SYNJ2BP: variants seen among roughly 807,000 people sequenced by gnomAD.
The protein encoded by SYNJ2BP is synaptojanin 2 binding protein, also known as synaptojanin-2-binding protein.
In SYNJ2BP, 10 loss-of-function variants were observed where a neutral mutation model predicts 16.9. That is an observed-to-expected ratio of 0.59 (90% CI 0.36 to 1.00). The LOEUF is 1.00. Ranked by LOEUF, SYNJ2BP falls within the 50% of genes least tolerant of loss-of-function variation. The pLI is 0.01. For missense variants in SYNJ2BP, 162 were observed against 186.7 expected (o/e 0.87, Z 0.77); for synonymous variants, 54 against 68.4 (o/e 0.79, Z 1.04).
intron 1 of SYNJ2BP, among the ~76,000 whole-genome samples, 192 bp from the exon 2 acceptor site, chr14:70,388,798 G>C (rs1887916719): frequency 1.3e-5 from 2 of 152,006 alleles, no homozygotes; most frequent in African/African-American, 2.4e-5. Context: ...GTATTGAGTT[G>C]CTCACTCAAA....
rs1200228532 is a variant in SYNJ2BP at position 70,370,996 on chromosome 14, G to C, written c.*1995C>G. ...ATATGCACTGTACTTCTTTGTAAAA[G>C]TGTCTTGACAAAGCTGATGTCCAAT... On this transcript the variant is annotated 3_prime_UTR_variant, in exon 4 of 4. Transcript: ENST00000256366. 6.6e-6 allele frequency: 1 copy of C among 152,194 alleles called. No homozygotes were observed. Among genetic ancestry groups the C allele is most frequent in the Admixed American group, 6.5e-5 (1 of 15,276 alleles). 9.4% of individuals were successfully genotyped at this position (152,194 alleles called of 1,614,324 possible). A position where few individuals can be genotyped will look rare whatever the true frequency, so the allele number is the denominator to read the frequency against.
At chr14:70,401,129 G>C (rs910306156) in intron 1 of SYNJ2BP, among the ~76,000 whole-genome samples, 15 of 151,938 alleles carry the variant, frequency 9.9e-5, no homozygotes, top group East Asian at 1.9e-4. Context: ...GCCAAAACAG[G>C]GATCCTCTGA....
Position 70,375,677 on chromosome 14 carries a change from C to T in SYNJ2BP, c.296G>A (p.Arg99Lys), listed in dbSNP as rs755190221. The stretch of plus-strand genomic sequence containing the variant: ...TTTCTGGCTCAAAGTGATACCTACC[C>T]TGTGCTGCACTCTCAGAGACACAGC... ...GYAVSLRVQH[R>K]LQVQNGPIGH... Residue 99 changes from arginine (R) to lysine (K), a missense_variant and splice_region_variant, in exon 3 of 4, where the codon AGG becomes AAG. Arg to Lys is a conservative substitution (Grantham distance 26). Coordinates refer to ENST00000256366, the MANE Select transcript of SYNJ2BP (RefSeq NM_018373.3). 3.7e-6 allele frequency: 6 copies of T among 1,613,022 alleles called. No homozygotes were observed. The highest frequency in any genetic ancestry group is 2.7e-5 in the African/African-American group (2 of 74,858).
At chr14:70,392,711 G>A (rs1050441515) in intron 1 of SYNJ2BP, among the ~76,000 whole-genome samples, 4 of 152,156 alleles carry the variant, frequency 2.6e-5, no homozygotes, top group Non-Finnish European at 4.4e-5. Context: ...AACTTATTAA[G>A]TACGTCTATG....
chr14:70,396,223 T>C (rs1888090752), intron 1 of SYNJ2BP, among the ~76,000 whole-genome samples: 1 of 152,204 alleles, frequency 6.6e-6, no homozygotes, highest in Non-Finnish European at 1.5e-5. Context: ...GGTTCACTCA[T>C]TCTCCTGCCT....
intron 1 of SYNJ2BP, among the ~76,000 whole-genome samples, chr14:70,416,676 T>C (rs142729489): frequency 2.0e-5 from 3 of 152,306 alleles, no homozygotes; most frequent in Non-Finnish European, 2.9e-5. Context: ...TGACTATATA[T>C]ATTTGTGTTC....
At chr14:70,412,522 G>GTATATATGTATGTATAGTA (rs1888499467) in intron 1 of SYNJ2BP, among the ~76,000 whole-genome samples, 2 of 7,384 alleles carry the variant, frequency 2.7e-4, no homozygotes, top group Non-Finnish European at 1.1e-3. Context: ...TATATATACA[G>GTATATATGTATGTATAGTA]TATATATGTA....
intron 2 of SYNJ2BP, among the ~76,000 whole-genome samples, chr14:70,378,424 C>CTTTTTTT (rs34309608): frequency 9.1e-6 from 1 of 110,132 alleles, no homozygotes; most frequent in Non-Finnish European, 1.8e-5. Context: ...TTCCTTCAAA[C>CTTTTTTT]TTTTTTTTTT....
At chr14:70,406,538 C>A (rs1390478401) in intron 1 of SYNJ2BP, among the ~76,000 whole-genome samples, 1 of 152,226 alleles carries the variant, frequency 6.6e-6, no homozygotes, top group African/African-American at 2.4e-5. Context: ...ATTTAGGAGT[C>A]ATGCAGCTGG....
chr14:70,375,816 G>A lies in SYNJ2BP; in HGVS notation c.202-45C>T, dbSNP rs758757890. Reference sequence around the variant, plus strand: ...TAGTAAGAAAGGAAGAAGGCTATTAGAAGTCAACAATTTATTTTCAAATGG... The same window carrying A: ...TAGTAAGAAAGGAAGAAGGCTATTAAAAGTCAACAATTTATTTTCAAATGG... On this transcript the variant is annotated intron_variant, in intron 2 of 3. Transcript: ENST00000256366. The A allele has an allele frequency of 1.9e-6, 3 of 1,603,338 alleles. No homozygotes were observed. The African/African-American group carries it at 4.0e-5, about 22-fold the overall frequency.
At position 70,392,012 on chromosome 14, in the gene SYNJ2BP, C is replaced by G. The variant is rs556658406; in HGVS notation, c.65-3406G>C. ...AGTGGCATGACCAACTGAACCTGGG[C>G]TGTACGGATACCTACATAATCCCCA... On this transcript the variant is annotated intron_variant, in intron 1 of 3. Coordinates refer to ENST00000256366, the MANE Select transcript of SYNJ2BP (RefSeq NM_018373.3). Among the ~76,000 whole-genome samples, 4 of 152,320 alleles carry G rather than the reference C, an allele frequency of 2.6e-5. No homozygotes were observed. The South Asian group carries it at 8.3e-4, about 32-fold the overall frequency.
intron 2 of SYNJ2BP, among the ~76,000 whole-genome samples, chr14:70,381,781 C>A (rs1887755734): frequency 6.6e-6 from 1 of 152,248 alleles, no homozygotes; most frequent in Non-Finnish European, 1.5e-5. Flanking sequence ...CTTACCTAAT[C>A]TGCCTGAAAC....
rs1444336928 is a variant in SYNJ2BP at position 70,371,307 on chromosome 14, T to A, written c.*1684A>T. The A allele has an allele frequency of 2.6e-5, 4 of 152,268 alleles. No individual in the cohort carries two copies. The highest frequency in any genetic ancestry group is 5.9e-5 in the Non-Finnish European group (4 of 68,096). The allele number at this position is 152,268 out of a possible 1,614,324, so 9.4% of individuals were successfully genotyped here. On this transcript the variant is annotated 3_prime_UTR_variant, in exon 4 of 4. Coordinates refer to ENST00000256366, the MANE Select transcript of SYNJ2BP (RefSeq NM_018373.3). ...AGGCCGCATGAAACACCTACCACATTTCCCTACCTCCTAAAGCAAACAAAA... is the reference window on the plus strand; with the variant it reads ...AGGCCGCATGAAACACCTACCACATATCCCTACCTCCTAAAGCAAACAAAA...
intron 2 of SYNJ2BP, among the ~76,000 whole-genome samples, chr14:70,387,456 A>G (rs375816209): frequency 6.6e-6 from 1 of 152,118 alleles, no homozygotes; most frequent in South Asian, 2.1e-4. Context: ...TTATCAGTCA[A>G]CCTTTTTAGG....
intron 1 of SYNJ2BP, among the ~76,000 whole-genome samples, chr14:70,397,694 TC>T (rs1446809051): frequency 6.6e-6 from 1 of 152,226 alleles, no homozygotes; most frequent in Non-Finnish European, 1.5e-5. Flanking sequence ...CTCAGGGAGC[TC>T]CCAGGTCTCA....
chr14:70,416,822 A>C, intron 1 of SYNJ2BP, 78 bp downstream of exon 1: 1 of 1,606,734 alleles, frequency 6.2e-7, no homozygotes, highest in Non-Finnish European at 8.5e-7. Context: ...GGCCAGGTGA[A>C]TCCGGCTCAG....
At chr14:70,395,784 C>T (rs1433786620) in intron 1 of SYNJ2BP, among the ~76,000 whole-genome samples, 1 of 152,154 alleles carries the variant, frequency 6.6e-6, no homozygotes, top group Non-Finnish European at 1.5e-5. Context: ...AAAAATAGCT[C>T]CTTATTCTCC....
intron 2 of SYNJ2BP, among the ~76,000 whole-genome samples, chr14:70,379,457 T>A (rs977031363): frequency 1.3e-5 from 2 of 152,214 alleles, no homozygotes; most frequent in African/African-American, 4.8e-5. Flanking sequence ...ATTTTTTACC[T>A]TTATACCTGT....
At chr14:70,408,721 T>C (rs1182295298) in intron 1 of SYNJ2BP, among the ~76,000 whole-genome samples, 1 of 152,126 alleles carries the variant, frequency 6.6e-6, no homozygotes, top group Non-Finnish European at 1.5e-5. Flanking sequence ...AAGTAGATTC[T>C]AATAATACTC....
Sources: gnomAD v4.1 joint callset for allele counts (sites outside exome capture counted in the v4.1 genomes callset) on GRCh38, gnomAD v4.1.1 for gene constraint, MANE v1.5 for transcripts, NCBI Gene and HGNC (gene_info 2026-07-23, HGNC 2026-07-21) for gene names.